CEP128: variants seen among roughly 807,000 people sequenced by gnomAD.
CEP128 encodes centrosomal protein 128kDa.
Under a neutral mutation model 156.7 loss-of-function variants are expected in CEP128, and 132 were observed. The observed-to-expected ratio is 0.84, with a 90% CI of 0.73 to 0.97. The LOEUF (loss-of-function observed/expected upper bound fraction) is 0.97, where lower values mean the gene tolerates loss of function less well. CEP128 is among the 50% of genes least tolerant of loss of function. The pLI, the probability that CEP128 is intolerant of heterozygous loss-of-function variation, is 0.00. For synonymous variants in CEP128, 469 were observed against 448.9 expected, an observed-to-expected ratio of 1.04 and a Z score of -0.57; for missense variants, 1,252 against 1,281.9, an observed-to-expected ratio of 0.98 and a Z score of 0.36.
chr14:80,880,346 A>G (rs1451909734), intron 8 of CEP128, among the ~76,000 whole-genome samples: 3 of 152,206 alleles, frequency 2.0e-5, no homozygotes, highest in Admixed American at 2.0e-4. Context: ...AATAAAAGCC[A>G]TTTATGAAAA....
intron 19 of CEP128, among the ~76,000 whole-genome samples, chr14:80,663,080 C>A (rs893879293): frequency 2.6e-5 from 4 of 152,056 alleles, no homozygotes; most frequent in Non-Finnish European, 4.4e-5. Flanking sequence ...AATAAACAAC[C>A]CCAATGTGTA....
intron 13 of CEP128, among the ~76,000 whole-genome samples, chr14:80,800,243 AC>A (rs2139882161): frequency 6.6e-6 from 1 of 152,316 alleles, no homozygotes; most frequent in East Asian, 1.9e-4. Flanking sequence ...TTCCCCCGAT[AC>A]AATGTCACTT....
intron 8 of CEP128, among the ~76,000 whole-genome samples, chr14:80,877,237 AAC>A: frequency 6.6e-6 from 1 of 152,292 alleles, no homozygotes; most frequent in Admixed American, 6.5e-5. Context: ...AACGAAAAAA[AAC>A]ACACACAAAA....
chr14:80,691,860 A>G (rs1336957579), intron 19 of CEP128, among the ~76,000 whole-genome samples: 1 of 152,234 alleles, frequency 6.6e-6, no homozygotes, highest in East Asian at 1.9e-4. Context: ...CCACACCTAC[A>G]AATATTTAAT....
chr14:80,610,153 A>G lies in CEP128; in HGVS notation c.2807-29730T>C, dbSNP rs142576889. ...CTGAAAGCAGCGCAGTATGAATCATACTTTATCTCTTTTTTTCCAAATAAA... is the reference window on the plus strand; with the variant it reads ...CTGAAAGCAGCGCAGTATGAATCATGCTTTATCTCTTTTTTTCCAAATAAA... On this transcript the variant is annotated intron_variant, in intron 19 of 24. Transcript: ENST00000555265. 5.6e-3 allele frequency among the ~76,000 whole-genome samples: 857 copies of G among 152,312 alleles called. 6 individuals are homozygous for G. The highest frequency in any genetic ancestry group is 0.02 in the African/African-American group (818 of 41,574).
At chr14:80,711,114 A>G (rs117644028) in intron 19 of CEP128, among the ~76,000 whole-genome samples, 1,662 of 152,194 alleles carry the variant, frequency 0.011, 11 homozygotes, top group Non-Finnish European at 0.015. Flanking sequence ...AATGGTTTTC[A>G]TTGTTTCTAT....
intron 19 of CEP128, among the ~76,000 whole-genome samples, chr14:80,738,046 T>G (rs2139569174): frequency 6.6e-6 from 1 of 152,360 alleles, no homozygotes; most frequent in Admixed American, 6.5e-5. Context: ...CTTCCTGTTT[T>G]GGGACTAAAG....
intron 19 of CEP128, among the ~76,000 whole-genome samples, chr14:80,655,891 GTTTGTTTTGT>G (rs898233649): frequency 2.6e-5 from 4 of 151,966 alleles, no homozygotes; most frequent in Non-Finnish European, 4.4e-5. Context: ...TCCTTTTTTT[GTTTGTTTTGT>G]TTTGTTTTTT....
chr14:80,814,075 C>T (rs1884711466), intron 13 of CEP128, among the ~76,000 whole-genome samples: 1 of 152,134 alleles, frequency 6.6e-6, no homozygotes, highest in Non-Finnish European at 1.5e-5. Context: ...ACACGTCTCC[C>T]TTGCCTCTTG....
rs1892662651 is a variant in CEP128, at chr14:80,603,555, T to G, written c.2807-23132A>C. 2.0e-5 allele frequency among the ~76,000 whole-genome samples: 3 copies of G among 152,206 alleles called. No homozygotes were observed. In the South Asian group the frequency reaches 6.2e-4, roughly 32 times the overall value. On this transcript the variant is annotated intron_variant, in intron 19 of 24. Coordinates refer to ENST00000555265, the MANE Select transcript of CEP128 (RefSeq NM_152446.5). Reference sequence around the variant, plus strand: ...ACCACTATTCCTTTTATAAATGGAATACAGAGCATGGACTCTGGGATCAGT... The same window carrying G: ...ACCACTATTCCTTTTATAAATGGAAGACAGAGCATGGACTCTGGGATCAGT...
chr14:80,651,694 C>G (rs1894911795), intron 19 of CEP128, among the ~76,000 whole-genome samples: 1 of 152,050 alleles, frequency 6.6e-6, no homozygotes, highest in Non-Finnish European at 1.5e-5. Context: ...CATTCAGGAG[C>G]AGGTTGTTCA....
intron 19 of CEP128, among the ~76,000 whole-genome samples, chr14:80,706,737 C>G (rs986082665): frequency 6.6e-6 from 1 of 152,096 alleles, no homozygotes; most frequent in Non-Finnish European, 1.5e-5. Context: ...TTCAGCACAA[C>G]CTTCTCCTCT....
intron 19 of CEP128, among the ~76,000 whole-genome samples, chr14:80,644,674 G>A (rs1018891702): frequency 6.6e-6 from 1 of 151,976 alleles, no homozygotes; most frequent in Non-Finnish European, 1.5e-5. Flanking sequence ...ACAACAAAAT[G>A]CATATTAATA....
intron 21 of CEP128, among the ~76,000 whole-genome samples, chr14:80,538,844 G>A (rs749708085): frequency 2.6e-5 from 4 of 152,148 alleles, no homozygotes; most frequent in Non-Finnish European, 5.9e-5. Flanking sequence ...CTGATACTGT[G>A]AAACAATCTC....
Position 80,686,031 on chromosome 14 carries a change from T to C in CEP128, c.2806+57044A>G, listed in dbSNP as rs147745225. ...CTAGAAGAAAACCTAGGAAACACCATTATGAACATCAACCTTGGGAAGGAA... is the reference window on the plus strand; with the variant it reads ...CTAGAAGAAAACCTAGGAAACACCACTATGAACATCAACCTTGGGAAGGAA... On this transcript the variant is annotated intron_variant, in intron 19 of 24. Coordinates refer to ENST00000555265, the MANE Select transcript of CEP128 (RefSeq NM_152446.5). Among the ~76,000 whole-genome samples, 34 of 152,162 alleles carry C rather than the reference T, an allele frequency of 2.2e-4. No homozygotes were observed. The East Asian group carries it at 5.0e-3, about 22-fold the overall frequency.
intron 19 of CEP128, among the ~76,000 whole-genome samples, chr14:80,607,698 A>G (rs779001374): frequency 1.2e-4 from 18 of 152,156 alleles, no homozygotes; most frequent in Non-Finnish European, 2.2e-4. Context: ...CAAGTTTGAA[A>G]AGAAAGGAAG....
intron 19 of CEP128, among the ~76,000 whole-genome samples, chr14:80,590,404 T>A (rs1300236253): frequency 6.6e-6 from 1 of 151,946 alleles, no homozygotes; most frequent in East Asian, 1.9e-4. Flanking sequence ...AGAATAATAA[T>A]AAAATGCTCA....
chr14:80,765,627 G>A (rs1025457054), intron 16 of CEP128, among the ~76,000 whole-genome samples: 3 of 152,148 alleles, frequency 2.0e-5, no homozygotes, highest in Admixed American at 6.5e-5. Context: ...TGGAGCTAGG[G>A]AATGTAGGTA....
At chr14:80,724,523 T>C (rs1252632947) in intron 19 of CEP128, among the ~76,000 whole-genome samples, 9 of 152,108 alleles carry the variant, frequency 5.9e-5, no homozygotes, top group Non-Finnish European at 1.3e-4. Context: ...CAAATTTTAT[T>C]TGTGAAATTC....
Sources: gnomAD v4.1 joint callset for allele counts (sites outside exome capture counted in the v4.1 genomes callset) on GRCh38, gnomAD v4.1.1 for gene constraint, MANE v1.5 for transcripts, NCBI Gene and HGNC (gene_info 2026-07-23, HGNC 2026-07-21) for gene names.